Variants in IL1RAPL1 observed in about 807,000 individuals in gnomAD.
IL1RAPL1 encodes the protein interleukin 1 receptor accessory protein like 1.
Under a neutral mutation model 48.4 loss-of-function variants are expected in IL1RAPL1, and 3 were observed. The ratio of observed to expected loss-of-function variants is 0.06; its 90% CI spans 0.03 to 0.16. The LOEUF is 0.16. Ranked by LOEUF, IL1RAPL1 falls within the 10% of genes least tolerant of loss-of-function variation. IL1RAPL1 has a pLI of 1.00. For missense variants in IL1RAPL1, 349 were observed against 530.6 expected (o/e 0.66, Z 3.36); for synonymous variants, 185 against 187.7 (o/e 0.99, Z 0.12).
intron 1 of IL1RAPL1, among the ~76,000 whole-genome samples, chrX:28,645,549 C>T (rs1436104303): frequency 7.3e-5 from 8 of 109,173 alleles, no homozygotes; most frequent in Admixed American, 6.9e-4. Context: ...ATGCTATTGG[C>T]GATGAGCAGT....
intron 1 of IL1RAPL1, among the ~76,000 whole-genome samples, chrX:28,678,619 T>C (rs1330534001): frequency 9.0e-6 from 1 of 111,691 alleles, no homozygotes; most frequent in Non-Finnish European, 1.9e-5. Flanking sequence ...GGAAAGTTTC[T>C]TTTTTCTAAT....
chrX:28,630,462 C>G (rs1187363285), intron 1 of IL1RAPL1, among the ~76,000 whole-genome samples: 1 of 111,333 alleles, frequency 9.0e-6, no homozygotes, highest in Non-Finnish European at 1.9e-5. Flanking sequence ...TGCACAAATT[C>G]ACAAGACTCC....
At chrX:28,635,177 A>G (rs770833328) in intron 1 of IL1RAPL1, among the ~76,000 whole-genome samples, 3 of 112,128 alleles carry the variant, frequency 2.7e-5, no homozygotes, top group Admixed American at 9.5e-5. Flanking sequence ...AACTGGCACA[A>G]AATGTGAGTA....
intron 6 of IL1RAPL1, among the ~76,000 whole-genome samples, chrX:29,811,927 A>G (rs1336360220): frequency 4.5e-5 from 5 of 111,776 alleles, no homozygotes; most frequent in African/African-American, 1.6e-4. Context: ...ACACCCTTTA[A>G]CACAGGAATT....
At chrX:29,880,928 A>G (rs1465201263) in intron 6 of IL1RAPL1, among the ~76,000 whole-genome samples, 2 of 111,564 alleles carry the variant, frequency 1.8e-5, no homozygotes, top group Non-Finnish European at 3.8e-5. Flanking sequence ...AAACAGAGTC[A>G]TTATGTATGG....
intron 6 of IL1RAPL1, among the ~76,000 whole-genome samples, chrX:29,797,625 C>T (rs1238985097): frequency 8.9e-6 from 1 of 112,017 alleles, no homozygotes; most frequent in Non-Finnish European, 1.9e-5. Flanking sequence ...GTAATCCCAG[C>T]ACTTTGGGAG....
At chrX:28,915,816 A>C (rs758455144) in intron 2 of IL1RAPL1, among the ~76,000 whole-genome samples, 5 of 111,388 alleles carry the variant, frequency 4.5e-5, no homozygotes, top group African/African-American at 6.5e-5. Context: ...TGCTCTTGAT[A>C]TATTCCAAAC....
Position 29,582,357 on chromosome X carries a change from T to TAA in IL1RAPL1, c.704-86073_704-86072insAA, listed in dbSNP as rs1295517556. Reference sequence around the variant, plus strand: ...AATGATAAAGATAGCATCTTTTTTTTTTTATTTTTTTATTTTTTTATTTTT... The same window carrying TAA: ...AATGATAAAGATAGCATCTTTTTTTTAATTTATTTTTTTATTTTTTTATTTTT... On this transcript the variant is annotated intron_variant, in intron 5 of 10. Transcript: ENST00000378993. Among the ~76,000 whole-genome samples the TAA allele has an allele frequency of 1.1e-3, 114 of 106,153 alleles. 5 individuals are homozygous for TAA. The highest frequency in any genetic ancestry group is 3.7e-3 in the African/African-American group (106 of 28,384). 92.2% of individuals were successfully genotyped at this position (106,153 alleles called of 115,157 possible). A position where few individuals can be genotyped will look rare whatever the true frequency, so the allele number is the denominator to read the frequency against.
At chrX:29,954,193 G>A (rs1471403759) in intron 9 of IL1RAPL1, among the ~76,000 whole-genome samples, 5 of 82,308 alleles carry the variant, frequency 6.1e-5, no homozygotes, top group Admixed American at 1.9e-4. Context: ...CCAAGATCAC[G>A]CCACTGCACT....
chrX:29,182,622 A>G (rs2147521579), intron 2 of IL1RAPL1, among the ~76,000 whole-genome samples: 1 of 110,392 alleles, frequency 9.1e-6, no homozygotes, highest in East Asian at 2.9e-4. Flanking sequence ...GGCATCCCAA[A>G]GTCACAAAAA....
chrX:29,917,215 G>A (rs1932806403), intron 6 of IL1RAPL1, among the ~76,000 whole-genome samples: 1 of 112,279 alleles, frequency 8.9e-6, no homozygotes, highest in Admixed American at 9.5e-5. Context: ...CGGGAAAAAT[G>A]TTCTGTACAA....
Position 29,399,271 on chromosome X carries a change from C to G in IL1RAPL1, c.666C>G (p.Gly222=), listed in dbSNP as rs1406118182. The G allele has an allele frequency of 3.3e-6, 4 of 1,202,444 alleles. No homozygotes were observed. Among genetic ancestry groups the G allele is most frequent in the Non-Finnish European group, 3.4e-6 (3 of 888,610 alleles). ...GNYTCELKYG[G]FVVRRTTELT... ...ATACCTGTGAATTAAAATATGGAGG[C>G]TTTGTTGTGAGAAGAACTACTGAAT... Residue 222 remains glycine, a synonymous_variant, in exon 5 of 11, where the codon GGC becomes GGG. Coordinates refer to ENST00000378993, the MANE Select transcript of IL1RAPL1 (RefSeq NM_014271.4).
chrX:29,130,786 T>C (rs1929003798), intron 2 of IL1RAPL1, among the ~76,000 whole-genome samples: 1 of 112,404 alleles, frequency 8.9e-6, no homozygotes, highest in Non-Finnish European at 1.9e-5. Flanking sequence ...TAGTTTCCTT[T>C]CTCTATCCCA....
chrX:28,975,391 C>T (rs1925180100), intron 2 of IL1RAPL1, among the ~76,000 whole-genome samples: 1 of 112,086 alleles, frequency 8.9e-6, no homozygotes, highest in Non-Finnish European at 1.9e-5. Context: ...ACTGTCCTAT[C>T]ACATTAAACA....
Position 29,184,594 on chromosome X carries a change from G to A in IL1RAPL1, c.83-98344G>A, listed in dbSNP as rs370826423. On this transcript the variant is annotated intron_variant, in intron 2 of 10. Transcript: ENST00000378993. Reference sequence around the variant, plus strand: ...GGGCTCACTGCAACCTCTGCCTCCCGGATTCAAGTGATTCTCCTGCCTCGG... The same window carrying A: ...GGGCTCACTGCAACCTCTGCCTCCCAGATTCAAGTGATTCTCCTGCCTCGG... 2.3e-3 allele frequency among the ~76,000 whole-genome samples: 256 copies of A among 110,965 alleles called. 1 individual carries two copies. Among genetic ancestry groups the A allele is most frequent in the African/African-American group, 8.0e-3 (244 of 30,542 alleles).
At chrX:29,778,056 A>G (rs1431600428) in intron 6 of IL1RAPL1, among the ~76,000 whole-genome samples, 1 of 111,043 alleles carries the variant, frequency 9.0e-6, no homozygotes, top group Non-Finnish European at 1.9e-5. Flanking sequence ...TGAGTGAAAT[A>G]TACAATATAT....
chrX:29,778,430 AT>A (rs1438962153), intron 6 of IL1RAPL1, among the ~76,000 whole-genome samples: 2 of 111,863 alleles, frequency 1.8e-5, no homozygotes, highest in Non-Finnish European at 3.8e-5. Context: ...AACATTACTA[AT>A]TTTGAGTCTC....
chrX:29,231,196 C>T (rs1233504382), intron 2 of IL1RAPL1, among the ~76,000 whole-genome samples: 1 of 111,050 alleles, frequency 9.0e-6, no homozygotes, highest in Non-Finnish European at 1.9e-5. Flanking sequence ...ACTGACCTGG[C>T]ACAGTGTAGG....
At chrX:29,076,546 C>T (rs1015008477) in intron 2 of IL1RAPL1, among the ~76,000 whole-genome samples, 2 of 111,709 alleles carry the variant, frequency 1.8e-5, no homozygotes, top group Admixed American at 9.5e-5. Flanking sequence ...CCCTCCCATC[C>T]CTTCTGAAAT....
Sources: gnomAD v4.1 joint callset for allele counts (sites outside exome capture counted in the v4.1 genomes callset) on GRCh38, gnomAD v4.1.1 for gene constraint, MANE v1.5 for transcripts, NCBI Gene and HGNC (gene_info 2026-07-23, HGNC 2026-07-21) for gene names.